Variants in TSC2 observed in about 807,000 individuals in gnomAD.
The protein encoded by TSC2 is tuberin.
Under a neutral mutation model 202.2 loss-of-function variants are expected in TSC2, and 29 were observed. That is an observed-to-expected ratio of 0.14 (90% CI 0.11 to 0.20). TSC2 has a LOEUF of 0.20. Among genes scored for constraint, TSC2 ranks in the 10% least tolerant of loss-of-function variants. The pLI is 1.00. For synonymous variants in TSC2, 1,349 were observed against 1,044.0 expected, an observed-to-expected ratio of 1.29 and a Z score of -5.63; for missense variants, 2,429 against 2,420.0, an observed-to-expected ratio of 1.00 and a Z score of -0.08.
At chr16:2,056,576 C>G (rs2151075666) in intron 7 of TSC2, 68 bp from the exon 8 acceptor site, 3 of 1,587,990 alleles carry the variant, frequency 1.9e-6, no homozygotes, top group Non-Finnish European at 2.6e-6. Context: ...GGGAAGGAAG[C>G]CTGGGTGTCC....
intron 35 of TSC2, 70 bp downstream of exon 35, chr16:2,085,096 T>C (rs2090601056): frequency 5.0e-6 from 8 of 1,603,890 alleles, no homozygotes; most frequent in Non-Finnish European, 6.8e-6. Flanking sequence ...GGGGCCCAGC[T>C]CTGCTGCTGG....
intron 3 of TSC2, among the ~76,000 whole-genome samples, chr16:2,053,104 C>T (rs2085327074): frequency 3.9e-5 from 6 of 152,186 alleles, no homozygotes. Context: ...AGTCTGTCAC[C>T]TGGTGGGAGT....
rs1197792694 is a variant in TSC2, at chr16:2,084,457, C to A, written c.4235C>A (p.Pro1412His). Residue 1412 changes from proline to histidine, a missense_variant, in exon 34 of 42, where the codon CCT (proline) becomes CAT (histidine). Pro to His is a moderately conservative substitution (Grantham distance 77). Transcript: ENST00000219476. Reference sequence around the variant, plus strand: ...AAGGCCGACGTGGGCCGGCTGAGCCCTGAGGTTAAGGCCCGGTCACAGTCA... The same window carrying A: ...AAGGCCGACGTGGGCCGGCTGAGCCATGAGGTTAAGGCCCGGTCACAGTCA... ...GDKADVGRLS[P>H]EVKARSQSGT... 6.2e-7 allele frequency: 1 copy of A among 1,609,400 alleles called. No individual in the cohort carries two copies. The highest frequency in any genetic ancestry group is 2.2e-5 in the East Asian group (1 of 44,672).
intron 36 of TSC2, among the ~76,000 whole-genome samples, chr16:2,085,684 G>T (rs563887741): frequency 2.0e-5 from 3 of 152,212 alleles, no homozygotes; most frequent in Non-Finnish European, 4.4e-5. Context: ...AGCAGCGGGG[G>T]CCGGGCGCAC....
chr16:2,072,003 T>A (rs920810212), intron 19 of TSC2, 69 bp downstream of exon 19: 2 of 1,507,802 alleles, frequency 1.3e-6, no homozygotes, highest in African/African-American at 2.8e-5. Flanking sequence ...GCCACCTGCC[T>A]GCTGGGCCTC....
At chr16:2,056,615 C>G (rs746454515) in intron 7 of TSC2, 29 bp from the exon 8 acceptor site, 1 of 1,605,192 alleles carries the variant, frequency 6.2e-7, no homozygotes. Flanking sequence ...TGGGGTAGGA[C>G]GGGCGTGAGC....
rs1275957296 is a variant in TSC2, at chr16:2,083,435, G to C, written c.3884-260G>C. Reference sequence around the variant, plus strand: ...ACCTGGAGGCACAGGGGTGGCTGCTGGTGGACACTAGGGTGGGCAGAGCCG... The same window carrying C: ...ACCTGGAGGCACAGGGGTGGCTGCTCGTGGACACTAGGGTGGGCAGAGCCG... On this transcript the variant is annotated intron_variant, in intron 32 of 41. Transcript: ENST00000219476. 16 of 607,714 alleles carry C rather than the reference G, an allele frequency of 2.6e-5. No individual in the cohort carries two copies. The East Asian group carries it at 4.7e-4, about 18-fold the overall frequency. 37.6% of individuals were successfully genotyped at this position (607,714 alleles called of 1,614,324 possible). A position where few individuals can be genotyped will look rare whatever the true frequency, so the allele number is the denominator to read the frequency against.
At chr16:2,052,717 A>G (rs1474419590) in intron 3 of TSC2, among the ~76,000 whole-genome samples, 1 of 152,156 alleles carries the variant, frequency 6.6e-6, no homozygotes, top group Admixed American at 6.5e-5. Flanking sequence ...AGGTGGTGAG[A>G]GCCAGCCCAA....
At chr16:2,076,450 C>T (rs745989692) in intron 24 of TSC2, 41 bp from the exon 25 acceptor site, 18 of 1,610,790 alleles carry the variant, frequency 1.1e-5, no homozygotes, top group South Asian at 2.2e-5. Context: ...CTCCAGCCCC[C>T]ATTGCCACCC....
Position 2,070,320 on chromosome 16 carries a change from C to T in TSC2, c.1717-136C>T. The T allele has an allele frequency of 2.7e-6, 4 of 1,470,556 alleles. No individual in the cohort carries two copies. In the South Asian group the frequency reaches 4.7e-5, roughly 17 times the overall value. 91.1% of individuals were successfully genotyped at this position (1,470,556 alleles called of 1,614,324 possible). A position where few individuals can be genotyped will look rare whatever the true frequency, so the allele number is the denominator to read the frequency against. On this transcript the variant is annotated intron_variant, in intron 16 of 41. Coordinates refer to ENST00000219476, the MANE Select transcript of TSC2 (RefSeq NM_000548.5). ...CTGTGGAGAGAGAGTCCTGGTGGTC[C>T]TGGGTTTGAAGGTCGTGTGTTTTGA... is the stretch of plus-strand genomic sequence containing the variant.
intron 16 of TSC2, among the ~76,000 whole-genome samples, chr16:2,065,957 C>T (rs1480720996): frequency 6.6e-6 from 1 of 152,222 alleles, no homozygotes; most frequent in African/African-American, 2.4e-5. Flanking sequence ...CCCTCCATTC[C>T]TGCCCTGCAG....
intron 2 of TSC2, 100 bp downstream of exon 2, chr16:2,048,853 C>A: frequency 6.5e-7 from 1 of 1,537,992 alleles, no homozygotes; most frequent in Non-Finnish European, 9.0e-7. Context: ...TTGCTGGCAA[C>A]TGTCTACACA....
intron 36 of TSC2, among the ~76,000 whole-genome samples, chr16:2,085,875 G>T (rs1004573489): frequency 2.6e-5 from 4 of 152,104 alleles, no homozygotes; most frequent in African/African-American, 9.7e-5. Context: ...TGTGTGGCTC[G>T]AGGAGGTGGG....
chr16:2,080,584 C>T (rs901084053), intron 30 of TSC2: 29 of 615,324 alleles, frequency 4.7e-5, no homozygotes, highest in East Asian at 3.3e-4. Context: ...CCCGGGTTCA[C>T]GCCATTCTCC....
intron 38 of TSC2, among the ~76,000 whole-genome samples, chr16:2,087,653 T>G (rs534260526): frequency 2.6e-5 from 4 of 152,258 alleles, no homozygotes; most frequent in Admixed American, 2.6e-4. Context: ...TGCCTGTGGC[T>G]GCAGCATATG....
intron 11 of TSC2, chr16:2,061,515 C>T (rs2086632692): frequency 2.5e-6 from 1 of 395,410 alleles, no homozygotes; most frequent in Non-Finnish European, 4.9e-6. Context: ...ACTCTTGGCC[C>T]TCCTGCCCGA....
chr16:2,073,731 C>T (rs1402692658), intron 21 of TSC2, among the ~76,000 whole-genome samples: 1 of 152,252 alleles, frequency 6.6e-6, no homozygotes, highest in Non-Finnish European at 1.5e-5. Context: ...CTTACTGGCC[C>T]ACAGTGTATC....
intron 37 of TSC2, 76 bp downstream of exon 37, chr16:2,086,455 G>C: frequency 1.3e-6 from 2 of 1,559,496 alleles, no homozygotes; most frequent in Non-Finnish European, 1.7e-6. Flanking sequence ...GCTACCCCAC[G>C]CCCTGGGGCA....
intron 35 of TSC2, 61 bp from the exon 36 acceptor site, chr16:2,085,169 G>A (rs2090610275): frequency 6.2e-7 from 1 of 1,609,202 alleles, no homozygotes; most frequent in East Asian, 2.2e-5. Flanking sequence ...TGACCGGCCT[G>A]GGTGGGGCGG....
Sources: gnomAD v4.1 joint callset for allele counts (sites outside exome capture counted in the v4.1 genomes callset) on GRCh38, gnomAD v4.1.1 for gene constraint, MANE v1.5 for transcripts, NCBI Gene and HGNC (gene_info 2026-07-23, HGNC 2026-07-21) for gene names.